The following MVB12B variants were observed in gnomAD, a reference collection of about 807,000 sequenced individuals.
The protein encoded by MVB12B is multivesicular body subunit 12B.
Under a neutral mutation model 41.6 loss-of-function variants are expected in MVB12B, and 16 were observed. The observed-to-expected ratio is 0.38, with a 90% CI of 0.26 to 0.58. MVB12B has a LOEUF of 0.58. MVB12B is among the 20% of genes least tolerant of loss of function. MVB12B has a pLI of 0.62. For synonymous variants in MVB12B, 133 were observed against 139.7 expected, an observed-to-expected ratio of 0.95 and a Z score of 0.34; for missense variants, 274 against 380.2, an observed-to-expected ratio of 0.72 and a Z score of 2.32.
chr9:126,328,977 C>A (rs549164057), intron 1 of MVB12B, among the ~76,000 whole-genome samples: 2 of 151,994 alleles, frequency 1.3e-5, no homozygotes, highest in African/African-American at 4.8e-5. Flanking sequence ...GAGTTGGGGT[C>A]TTGCTATGTT....
At position 126,376,696 on chromosome 9, in the gene MVB12B, C is replaced by T. The variant is rs978942623; in HGVS notation, c.205-4368C>T. The T allele has an allele frequency of 1.0e-4, 129 of 1,271,254 alleles. No homozygotes were observed. The highest frequency in any genetic ancestry group is 1.3e-4 in the Non-Finnish European group (124 of 976,662). The allele number at this position is 1,271,254 out of a possible 1,614,324, so 78.7% of individuals were successfully genotyped here. ...TGTGTACGCTTGGTTACTCAATTACCCTCGTTTCCACTCTGAAGTTGCACC... is the reference window on the plus strand; with the variant it reads ...TGTGTACGCTTGGTTACTCAATTACTCTCGTTTCCACTCTGAAGTTGCACC... On this transcript the variant is annotated intron_variant, in intron 2 of 9. Coordinates refer to ENST00000361171, the MANE Select transcript of MVB12B (RefSeq NM_033446.3). The surrounding 1 kb of genome is among the most constrained non-coding windows in gnomAD (Gnocchi z 4.1).
chr9:126,392,007 G>T lies in MVB12B; in HGVS notation c.410-59G>T. ...GGCGTGACAGGGGATGTGGTTTTCA[G>T]AATAGAGATTCTGGTATCTCTGGAA... is the stretch of plus-strand genomic sequence containing the variant. On this transcript the variant is annotated intron_variant, in intron 4 of 9. Transcript: ENST00000361171. The surrounding 1 kb of genome is among the most constrained non-coding windows in gnomAD (Gnocchi z 4.8). 1 of 1,597,728 alleles carries T rather than the reference G, an allele frequency of 6.3e-7. No individual in the cohort carries two copies. Among genetic ancestry groups the T allele is most frequent in the South Asian group, 1.1e-5 (1 of 90,472 alleles).
intron 6 of MVB12B, among the ~76,000 whole-genome samples, chr9:126,420,044 C>CTCTCTCTGACTCCCTGGT (rs1831957942): frequency 6.6e-6 from 1 of 152,232 alleles, no homozygotes; most frequent in African/African-American, 2.4e-5. Context: ...GAAGTGCTGG[C>CTCTCTCTGACTCCCTGGT]TCTCTCTGAC....
In MVB12B at chr9:126,333,974, C is replaced by G. The variant is rs144227907; in HGVS notation, c.82-6534C>G. ...CAGCTGTTTTAGTGTCAGCTGGGAG[C>G]TGTTACAAATGCATGTTCTTAGACC... On this transcript the variant is annotated intron_variant, in intron 1 of 9. Transcript: ENST00000361171. The surrounding 1 kb of genome is among the most constrained non-coding windows in gnomAD (Gnocchi z 4.7). 3.8e-4 allele frequency among the ~76,000 whole-genome samples: 58 copies of G among 152,300 alleles called. No homozygotes were observed. The highest frequency in any genetic ancestry group is 3.4e-3 in the Middle Eastern group (1 of 294).
At chr9:126,410,819 C>G (rs1225916718) in intron 6 of MVB12B, among the ~76,000 whole-genome samples, 1 of 152,202 alleles carries the variant, frequency 6.6e-6, no homozygotes, top group East Asian at 1.9e-4. Context: ...CCCTGGATAC[C>G]TCCCAGGGCC....
At chr9:126,366,163 A>C (rs1188397205) in intron 2 of MVB12B, among the ~76,000 whole-genome samples, 1 of 151,632 alleles carries the variant, frequency 6.6e-6, no homozygotes, top group Non-Finnish European at 1.5e-5. Flanking sequence ...TCATCTCACC[A>C]GCTCCTCCAG....
chr9:126,378,138 C>CCG (rs1446735098), intron 2 of MVB12B, among the ~76,000 whole-genome samples: 1 of 152,226 alleles, frequency 6.6e-6, no homozygotes, highest in Non-Finnish European at 1.5e-5. Context: ...CCACCTTACC[C>CCG]CAGCTTCCTG....
rs1381482894 is a variant in MVB12B, at chr9:126,391,897, TGCAGCCCCGGGGAAGGCAGGCGGCAGAGC to T, written c.410-161_410-133del. On this transcript the variant is annotated intron_variant, in intron 4 of 9. Transcript: ENST00000361171. This position sits in a 1 kb window ranked among gnomAD's most constrained non-coding sequence, Gnocchi z 4.4. ...GGTCCCACATGCAGAGCAGGGTGAC[TGCAGCCCCGGGGAAGGCAGGCGGCAGAGC>T]GCAGCCCTTCTGTCCAGCAGCTTAG... Among the ~76,000 whole-genome samples, 1 of 152,176 alleles carries T rather than the reference TGCAGCCCCGGGGAAGGCAGGCGGCAGAGC, an allele frequency of 6.6e-6. No homozygotes were observed. Among genetic ancestry groups the T allele is most frequent in the Non-Finnish European group, 1.5e-5 (1 of 68,028 alleles).
chr9:126,375,779 C>T (rs1451338900), intron 2 of MVB12B, among the ~76,000 whole-genome samples: 1 of 152,138 alleles, frequency 6.6e-6, no homozygotes, highest in Non-Finnish European at 1.5e-5. Flanking sequence ...ATGTGGAATT[C>T]CAGAGTTCCT....
At chr9:126,378,599 CTCTCTCTCTCTT>C (rs1830549110) in intron 2 of MVB12B, among the ~76,000 whole-genome samples, 1 of 151,980 alleles carries the variant, frequency 6.6e-6, no homozygotes, top group Non-Finnish European at 1.5e-5. Context: ...AGGGGAGTCT[CTCTCTCTCTCTT>C]TCTCTCTCTC....
rs578080330 is a variant in MVB12B at position 126,358,558 on chromosome 9, G to T, written c.204+17928G>T. Among the ~76,000 whole-genome samples the T allele has an allele frequency of 6.6e-5, 10 of 152,216 alleles. No homozygotes were observed. The South Asian group carries it at 2.1e-3, about 32-fold the overall frequency. Reference sequence around the variant, plus strand: ...AATCTTTCAGGCATTTCATATTGTTGATGCTATTGTAAATGGTATTTATTT... The same window carrying T: ...AATCTTTCAGGCATTTCATATTGTTTATGCTATTGTAAATGGTATTTATTT... On this transcript the variant is annotated intron_variant, in intron 2 of 9. Coordinates refer to ENST00000361171, the MANE Select transcript of MVB12B (RefSeq NM_033446.3).
chr9:126,360,605 T>C (rs1022922086), intron 2 of MVB12B, among the ~76,000 whole-genome samples: 1 of 152,216 alleles, frequency 6.6e-6, no homozygotes, highest in Admixed American at 6.5e-5. Context: ...TGGTTGATAG[T>C]ATTGTTCAAG....
chr9:126,405,737 T>C (rs979904570), intron 6 of MVB12B, among the ~76,000 whole-genome samples: 1 of 152,006 alleles, frequency 6.6e-6, no homozygotes, highest in African/African-American at 2.4e-5. Context: ...TGAGTTTATT[T>C]GGGTTCAGTT....
At chr9:126,498,620 G>T (rs912086119) in intron 9 of MVB12B, among the ~76,000 whole-genome samples, 4 of 152,140 alleles carry the variant, frequency 2.6e-5, no homozygotes, top group Admixed American at 6.5e-5. Context: ...CCAGCCCAGC[G>T]CCTGCCCCCT....
At chr9:126,420,909 A>T (rs1277189402) in intron 6 of MVB12B, among the ~76,000 whole-genome samples, 5 of 152,142 alleles carry the variant, frequency 3.3e-5, no homozygotes, top group Non-Finnish European at 5.9e-5. Flanking sequence ...AAAGGCACCT[A>T]GTAATTGACC....
chr9:126,393,067 C>T (rs1285357866), intron 5 of MVB12B, among the ~76,000 whole-genome samples: 3 of 152,202 alleles, frequency 2.0e-5, no homozygotes, highest in African/African-American at 7.2e-5. Context: ...CTTGTTCCTC[C>T]AGCAGCCTCA....
rs942439933 is a variant in MVB12B, at chr9:126,367,110, C to A, written c.205-13954C>A. ...CATCCTCCTCTTCTGTCTCTGCTAC[C>A]AGCTGGATAAGGTCCTCACAAGTCT... On this transcript the variant is annotated intron_variant, in intron 2 of 9. Coordinates refer to ENST00000361171, the MANE Select transcript of MVB12B (RefSeq NM_033446.3). This position sits in a 1 kb window ranked among gnomAD's most constrained non-coding sequence, Gnocchi z 4.3. Among the ~76,000 whole-genome samples the A allele has an allele frequency of 6.6e-6, 1 of 152,044 alleles. No individual in the cohort carries two copies. Among genetic ancestry groups the A allele is most frequent in the Non-Finnish European group, 1.5e-5 (1 of 68,012 alleles).
intron 2 of MVB12B, among the ~76,000 whole-genome samples, chr9:126,349,074 C>T (rs933715472): frequency 2.0e-5 from 3 of 152,016 alleles, no homozygotes; most frequent in African/African-American, 4.8e-5. Flanking sequence ...GGTGGGGAAG[C>T]GTGGGGTGTG....
chr9:126,449,382 C>T (rs951919128), intron 7 of MVB12B, among the ~76,000 whole-genome samples: 4 of 152,098 alleles, frequency 2.6e-5, no homozygotes, highest in Non-Finnish European at 5.9e-5. Flanking sequence ...AGAGAAGACC[C>T]GCAGGCCCTT....
Sources: allele counts gnomAD v4.1 joint callset (sites outside exome capture counted in the v4.1 genomes callset), GRCh38; gene constraint gnomAD v4.1.1; non-coding constraint Gnocchi (gnomAD v3.1); transcripts MANE v1.5; gene names NCBI Gene and HGNC (gene_info 2026-07-23, HGNC 2026-07-21).